Variants in TEAD4 observed in about 807,000 individuals in gnomAD.
TEAD4 encodes the protein TEA domain transcription factor 4.
TEAD4 carries 36 observed loss-of-function variants against 52.4 expected under a neutral mutation model. That is an observed-to-expected ratio of 0.69 (90% confidence interval 0.53 to 0.91). TEAD4 has a LOEUF of 0.91. Among genes scored for constraint, TEAD4 ranks in the 40% least tolerant of loss-of-function variants. The pLI is 0.00. For missense variants in TEAD4, 508 were observed against 583.9 expected, an observed-to-expected ratio of 0.87 and a Z score of 1.34; for synonymous variants, 220 against 231.0, an observed-to-expected ratio of 0.95 and a Z score of 0.43.
intron 11 of TEAD4, 48 bp from the exon 12 acceptor site, chr12:3,040,059 G>T (rs1395815333): frequency 6.2e-7 from 1 of 1,606,620 alleles, no homozygotes; most frequent in South Asian, 1.1e-5. Flanking sequence ...CTGGGCTGGA[G>T]GTGGTCAGAA....
chr12:2,981,406 G>C (rs1440152917), intron 2 of TEAD4, among the ~76,000 whole-genome samples: 1 of 152,248 alleles, frequency 6.6e-6, no homozygotes, highest in Non-Finnish European at 1.5e-5. Context: ...ACTGGCCAGA[G>C]TAGCACAGCA....
intron 10 of TEAD4, among the ~76,000 whole-genome samples, chr12:3,036,868 G>A (rs949940974): frequency 5.9e-5 from 9 of 152,064 alleles, no homozygotes; most frequent in Non-Finnish European, 1.0e-4. Flanking sequence ...TCCTTTCTTC[G>A]CTGTGGCACT....
At chr12:3,017,846 G>T (rs796609587) in intron 6 of TEAD4, among the ~76,000 whole-genome samples, 6 of 152,320 alleles carry the variant, frequency 3.9e-5, no homozygotes, top group African/African-American at 1.4e-4. Context: ...AGCCAAGGGG[G>T]CTGAGCGGAA....
At chr12:3,013,965 C>T (rs2098262416) in intron 5 of TEAD4, among the ~76,000 whole-genome samples, 1 of 152,254 alleles carries the variant, frequency 6.6e-6, no homozygotes, top group Non-Finnish European at 1.5e-5. Flanking sequence ...ATGATCCTGA[C>T]ACTGGAATCT....
intron 2 of TEAD4, 147 bp downstream of exon 2, chr12:2,960,187 C>G: frequency 8.4e-6 from 5 of 594,932 alleles, no homozygotes; most frequent in Non-Finnish European, 1.1e-5. Flanking sequence ...CGAAGCGGCT[C>G]CAGGGGCGGG....
chr12:3,032,778 G>A (rs1036803369), intron 10 of TEAD4, among the ~76,000 whole-genome samples: 6 of 152,172 alleles, frequency 3.9e-5, no homozygotes, highest in African/African-American at 1.2e-4. Flanking sequence ...GCACCTTGGC[G>A]GTCATCTGCT....
At chr12:3,026,545 G>A (rs1334905690) in intron 10 of TEAD4, among the ~76,000 whole-genome samples, 1 of 152,186 alleles carries the variant, frequency 6.6e-6, no homozygotes, top group African/African-American at 2.4e-5. Context: ...ACCATCAAAA[G>A]AAGCCAGTTT....
intron 8 of TEAD4, 100 bp from the exon 9 acceptor site, chr12:3,020,534 C>G (rs2098267941): frequency 7.4e-7 from 1 of 1,360,022 alleles, no homozygotes; most frequent in Non-Finnish European, 9.7e-7. Flanking sequence ...TCCCCCCAGG[C>G]AGCACGGGTC....
intron 2 of TEAD4, among the ~76,000 whole-genome samples, chr12:2,985,393 C>CA (rs1296073773): frequency 1.4e-5 from 2 of 146,470 alleles, no homozygotes; most frequent in Non-Finnish European, 3.0e-5. Flanking sequence ...TCAAAAAAAA[C>CA]AAAAAACAAA....
At chr12:3,030,773 T>A (rs1225152247) in intron 10 of TEAD4, among the ~76,000 whole-genome samples, 1 of 152,142 alleles carries the variant, frequency 6.6e-6, no homozygotes, top group East Asian at 1.9e-4. Flanking sequence ...CGGCAGTCGC[T>A]GTTTGGAGTG....
chr12:2,966,932 C>T (rs1016976084), intron 2 of TEAD4, among the ~76,000 whole-genome samples: 1 of 152,092 alleles, frequency 6.6e-6, no homozygotes, highest in Non-Finnish European at 1.5e-5. Flanking sequence ...GTCTTGAACT[C>T]CCGACCTCAG....
At chr12:2,975,952 G>A (rs1364845141) in intron 2 of TEAD4, among the ~76,000 whole-genome samples, 1 of 151,880 alleles carries the variant, frequency 6.6e-6, no homozygotes, top group African/African-American at 2.4e-5. Context: ...TTTTCAGATT[G>A]GCGTCTCTCA....
intron 5 of TEAD4, among the ~76,000 whole-genome samples, chr12:3,012,875 T>C (rs2153956762): frequency 6.6e-6 from 1 of 152,286 alleles, no homozygotes; most frequent in East Asian, 1.9e-4. Flanking sequence ...AGGGAGGTGA[T>C]GACGACAGAG....
At chr12:2,998,793 C>T (rs898414324) in intron 3 of TEAD4, among the ~76,000 whole-genome samples, 4 of 152,164 alleles carry the variant, frequency 2.6e-5, no homozygotes, top group African/African-American at 4.8e-5. Flanking sequence ...CCGAGCTTGG[C>T]GTTCCTCTGT....
chr12:3,006,328 C>A (rs551336527), intron 3 of TEAD4, among the ~76,000 whole-genome samples: 263 of 152,184 alleles, frequency 1.7e-3, no homozygotes, highest in Middle Eastern at 6.8e-3. Flanking sequence ...TTGAAAAAAA[C>A]CCCAAATCTG....
intron 3 of TEAD4, among the ~76,000 whole-genome samples, chr12:2,996,007 C>CAAAA (rs553074088): frequency 1.4e-4 from 17 of 119,892 alleles, no homozygotes; most frequent in African/African-American, 4.7e-4. Context: ...GGCCCTGTTT[C>CAAAA]AAAAAAAAAA....
In TEAD4 at chr12:3,020,774, G is replaced by A; in HGVS notation, c.723+1G>A. ...GGAGCAGCAGCAGGACCCGGACACG[G>A]TAGGTCCTGGCCTCTGCCTGTCCAG... On this transcript the variant is annotated splice_donor_variant, in intron 9 of 12. Coordinates refer to ENST00000359864, the MANE Select transcript of TEAD4 (RefSeq NM_003213.4). LOFTEE classifies it high-confidence loss of function. 2.5e-6 allele frequency: 4 copies of A among 1,601,728 alleles called. No individual in the cohort carries two copies. Among genetic ancestry groups the A allele is most frequent in the Non-Finnish European group, 3.4e-6 (4 of 1,173,682 alleles).
At chr12:3,020,804 C>A (rs1274840765) in intron 9 of TEAD4, 31 bp downstream of exon 9, 4 of 1,524,654 alleles carry the variant, frequency 2.6e-6, no homozygotes, top group Non-Finnish European at 3.5e-6. Flanking sequence ...GTCCAGCTCC[C>A]TGGTCACCCC....
intron 3 of TEAD4, among the ~76,000 whole-genome samples, chr12:2,998,982 C>A (rs115931865): frequency 1.9e-4 from 29 of 152,316 alleles, no homozygotes; most frequent in African/African-American, 6.7e-4. Flanking sequence ...TCTCTTCTTA[C>A]CAGTCCCGGG....
Sources: gnomAD v4.1 joint callset for allele counts (sites outside exome capture counted in the v4.1 genomes callset) on GRCh38, gnomAD v4.1.1 for gene constraint, MANE v1.5 for transcripts, NCBI Gene and HGNC (gene_info 2026-07-23, HGNC 2026-07-21) for gene names.